ANKRD30B: variants seen among roughly 807,000 people sequenced by gnomAD.
ANKRD30B encodes ankyrin repeat domain-containing protein 30B.
A neutral mutation model predicts 202.2 loss-of-function variants in ANKRD30B; 144 were observed. That is an observed-to-expected ratio of 0.71 (90% CI 0.62 to 0.82). The LOEUF (loss-of-function observed/expected upper bound fraction) is 0.82, where lower values mean the gene tolerates loss of function less well. Ranked by LOEUF, ANKRD30B falls within the 40% of genes least tolerant of loss-of-function variation. The pLI is 0.00. For synonymous variants in ANKRD30B, 508 were observed against 561.3 expected (o/e 0.91, Z 1.34); for missense variants, 1,487 against 1,669.1 (o/e 0.89, Z 1.90).
intron 16 of ANKRD30B, among the ~76,000 whole-genome samples, chr18:14,794,989 A>G (rs1236436048): frequency 2.0e-5 from 3 of 152,238 alleles, no homozygotes; most frequent in South Asian, 4.1e-4. Context: ...TAAGCTTTCT[A>G]TAAAAGCTTT....
At chr18:14,798,482 C>T (rs1969076200) in intron 20 of ANKRD30B, among the ~76,000 whole-genome samples, 1 of 152,056 alleles carries the variant, frequency 6.6e-6, no homozygotes, top group Admixed American at 6.6e-5. Flanking sequence ...ACAGTTGCAG[C>T]AAAAGCTGGT....
intron 34 of ANKRD30B, among the ~76,000 whole-genome samples, chr18:14,833,006 G>A (rs1441286634): frequency 1.3e-5 from 2 of 151,824 alleles, no homozygotes; most frequent in African/African-American, 4.8e-5. Flanking sequence ...GCGTGATCTC[G>A]GCTGACTGCA....
the ANKRD30B span, among the ~76,000 whole-genome samples, chr18:14,871,106 C>A: frequency 0.013 from 467 of 36,378 alleles, 40 homozygotes; most frequent in African/African-American, 0.037. Context: ...CACACCCTCA[C>A]CCACACACTC....
the ANKRD30B span, among the ~76,000 whole-genome samples, chr18:14,899,235 C>T: frequency 6.6e-6 from 1 of 152,168 alleles, no homozygotes; most frequent in Middle Eastern, 3.4e-3. Context: ...TCCCCTTCAA[C>T]AAATGATGAA....
intron 2 of ANKRD30B, 58 bp downstream of exon 2, chr18:14,752,738 A>G (rs913146746): frequency 6.5e-6 from 10 of 1,541,848 alleles, no homozygotes; most frequent in African/African-American, 1.4e-5. Context: ...ACATAGAATA[A>G]AAATGAATTT....
chr18:14,785,927 A>G (rs1968052616), intron 14 of ANKRD30B, among the ~76,000 whole-genome samples: 1 of 151,456 alleles, frequency 6.6e-6, no homozygotes, highest in South Asian at 2.1e-4. Flanking sequence ...AGTCCCAGCT[A>G]CTCGGGAGGC....
chr18:14,770,448 A>G (rs556157721), intron 8 of ANKRD30B, among the ~76,000 whole-genome samples: 1 of 152,274 alleles, frequency 6.6e-6, no homozygotes, highest in South Asian at 2.1e-4. Context: ...TTATATCATC[A>G]TGTAGGTGAG....
At chr18:14,896,218 G>A in the ANKRD30B span, among the ~76,000 whole-genome samples, 5 of 150,912 alleles carry the variant, frequency 3.3e-5, no homozygotes, top group Non-Finnish European at 7.4e-5. Context: ...TGCAAGCTCC[G>A]CCTCCCAGGT....
chr18:14,876,164 GA>G, the ANKRD30B span, among the ~76,000 whole-genome samples: 43 of 147,382 alleles, frequency 2.9e-4, 1 homozygote, highest in Middle Eastern at 3.5e-3. Context: ...CATAGATCTG[GA>G]AAAAAAAAAA....
At chr18:14,785,245 C>A (rs1351595470) in intron 14 of ANKRD30B, among the ~76,000 whole-genome samples, 1 of 152,120 alleles carries the variant, frequency 6.6e-6, no homozygotes, top group Admixed American at 6.5e-5. Flanking sequence ...TGTGCATGGT[C>A]ATATTTAATA....
chr18:14,879,265 C>T, the ANKRD30B span, among the ~76,000 whole-genome samples: 3 of 151,964 alleles, frequency 2.0e-5, no homozygotes, highest in Admixed American at 6.6e-5. Context: ...CCCTCTGAAT[C>T]CTGCCCACCG....
At chr18:14,810,372 A>G (rs1166927063) in intron 28 of ANKRD30B, among the ~76,000 whole-genome samples, 192 bp downstream of exon 28, 1 of 151,508 alleles carries the variant, frequency 6.6e-6, no homozygotes, top group East Asian at 1.9e-4. Flanking sequence ...GATTTAGAAA[A>G]AAATTCTGCT....
chr18:14,831,954 T>C (rs1343812080), intron 34 of ANKRD30B, among the ~76,000 whole-genome samples: 2 of 152,208 alleles, frequency 1.3e-5, no homozygotes, highest in African/African-American at 4.8e-5. Flanking sequence ...CTGTGCCACA[T>C]AGCATATAGG....
At chr18:14,768,694 T>C (rs1254856880) in intron 7 of ANKRD30B, among the ~76,000 whole-genome samples, 2 of 152,188 alleles carry the variant, frequency 1.3e-5, no homozygotes, top group Non-Finnish European at 2.9e-5. Context: ...GGAAATCATG[T>C]TGTGTGTGTT....
chr18:14,914,104 G>A, the ANKRD30B span, among the ~76,000 whole-genome samples: 1 of 152,144 alleles, frequency 6.6e-6, no homozygotes, highest in African/African-American at 2.4e-5. Context: ...AGCTCTTCAA[G>A]GATGTTAAGA....
chr18:14,895,550 T>C, the ANKRD30B span, among the ~76,000 whole-genome samples: 6 of 152,320 alleles, frequency 3.9e-5, no homozygotes, highest in Non-Finnish European at 5.9e-5. Context: ...TGAAAACTTA[T>C]GTCCACACAA....
chr18:14,756,616 G>GGGC lies in ANKRD30B; in HGVS notation c.618-1198_618-1196dup, dbSNP rs532251834. On this transcript the variant is annotated intron_variant, in intron 4 of 43. Transcript: ENST00000690538. ...CTTTTTAAAAAATGCAATATTTGCT[G>GGGC]GGCATGGTAGTTGTTGCCTGTTATC... Among the ~76,000 whole-genome samples, 1,066 of 152,304 alleles carry GGGC rather than the reference G, an allele frequency of 7.0e-3. 11 individuals are homozygous for GGGC. The highest frequency in any genetic ancestry group is 0.031 in the Middle Eastern group (9 of 294).
chr18:14,933,924 C>T, the ANKRD30B span, among the ~76,000 whole-genome samples: 1 of 152,196 alleles, frequency 6.6e-6, no homozygotes, highest in Admixed American at 6.5e-5. Context: ...TCCTCTCAGA[C>T]TCCAGGCTCT....
At chr18:14,860,425 C>T in the ANKRD30B span, among the ~76,000 whole-genome samples, 4 of 107,208 alleles carry the variant, frequency 3.7e-5, no homozygotes, top group Non-Finnish European at 7.7e-5. Flanking sequence ...CCAGATGGGG[C>T]AGCCGGGAAG....
Sources: allele counts gnomAD v4.1 joint callset (sites outside exome capture counted in the v4.1 genomes callset), GRCh38; gene constraint gnomAD v4.1.1; transcripts MANE v1.5; gene names NCBI Gene and HGNC (gene_info 2026-07-23, HGNC 2026-07-21).